The following ATP2B4 variants were observed in gnomAD, a reference collection of about 807,000 sequenced individuals.
ATP2B4 encodes the protein plasma membrane calcium-transporting ATPase 4.
In ATP2B4, 39 loss-of-function variants were observed where a neutral mutation model predicts 110.3. The observed-to-expected ratio is 0.35, with a 90% CI of 0.27 to 0.46. The LOEUF (loss-of-function observed/expected upper bound fraction) is 0.46. Ranked by LOEUF, ATP2B4 falls within the 20% of genes least tolerant of loss-of-function variation. The pLI, the probability that ATP2B4 is intolerant of heterozygous loss-of-function variation, is 1.00. For synonymous variants in ATP2B4, 538 were observed against 571.7 expected, an observed-to-expected ratio of 0.94 and a Z score of 0.84; for missense variants, 1,135 against 1,530.9, an observed-to-expected ratio of 0.74 and a Z score of 4.32.
At chr1:203,633,566 C>T (rs978002719) in intron 1 of ATP2B4, among the ~76,000 whole-genome samples, 6 of 152,138 alleles carry the variant, frequency 3.9e-5, no homozygotes, top group Admixed American at 2.0e-4. Context: ...GAGTTTGAGA[C>T]CAGCCTGGCC....
intron 18 of ATP2B4, among the ~76,000 whole-genome samples, chr1:203,723,461 C>CCTCTGACTCTCTCTCTCTCT (rs1558052469): frequency 1.8e-4 from 12 of 67,606 alleles, no homozygotes; most frequent in African/African-American, 6.1e-4. Flanking sequence ...TCTCTCTCTC[C>CCTCTGACTCTCTCTCTCTCT]CTCTGCCTCT....
intron 1 of ATP2B4, among the ~76,000 whole-genome samples, chr1:203,666,238 A>G (rs1313214132): frequency 1.3e-5 from 2 of 152,202 alleles, no homozygotes; most frequent in Non-Finnish European, 2.9e-5. Context: ...GCCCATGAGT[A>G]TGAAAGGGAA....
At chr1:203,700,415 A>C in intron 5 of ATP2B4, 84 bp downstream of exon 5, 1 of 1,496,896 alleles carries the variant, frequency 6.7e-7, no homozygotes, top group Non-Finnish European at 9.0e-7. Flanking sequence ...CTCTCCTCTG[A>C]CTCTGTCCCA....
intron 15 of ATP2B4, among the ~76,000 whole-genome samples, chr1:203,714,914 G>T (rs1321250212): frequency 5.3e-5 from 8 of 152,090 alleles, no homozygotes. Context: ...TATCTTTAGA[G>T]AACTCTTTTT....
At chr1:203,657,000 AT>A in intron 1 of ATP2B4, 3 of 735,942 alleles carry the variant, frequency 4.1e-6, no homozygotes, top group South Asian at 2.9e-5. Context: ...TGCAGCCATC[AT>A]TTTCAGGACT....
intron 20 of ATP2B4, among the ~76,000 whole-genome samples, chr1:203,732,702 G>A (rs555137932): frequency 6.6e-6 from 1 of 151,876 alleles, no homozygotes; most frequent in Admixed American, 6.6e-5. Flanking sequence ...ATCTTCAATT[G>A]TTTGCCTTAT....
At chr1:203,631,681 C>G (rs1447782093) in intron 1 of ATP2B4, among the ~76,000 whole-genome samples, 1 of 152,146 alleles carries the variant, frequency 6.6e-6, no homozygotes, top group East Asian at 1.9e-4. Flanking sequence ...GGGAAGTTAG[C>G]AATATCTAAC....
rs754093746 is a variant in ATP2B4 at position 203,714,193 on chromosome 1, G to T, written c.2322G>T (p.Gly774=). 1.2e-6 allele frequency: 2 copies of T among 1,614,040 alleles called. No homozygotes were observed. ...CAGGCATAATTGACAGCACTGTTGG[G>T]GAACACCGGCAGGTCGTGGCTGTCA... ...LVKGIIDSTV[G]EHRQVVAVTG... is the part of the protein sequence containing the mutation. The change falls in exon 15 of 21, where the codon GGG becomes GGT. Residue 774 remains glycine, a synonymous_variant. Transcript: ENST00000357681.
chr1:203,649,666 T>A (rs1386347127), intron 1 of ATP2B4, among the ~76,000 whole-genome samples: 2 of 152,040 alleles, frequency 1.3e-5, no homozygotes. Flanking sequence ...TGGTGATGCA[T>A]ACCTGTAGTC....
At chr1:203,731,849 CAA>C (rs35528335) in intron 20 of ATP2B4, among the ~76,000 whole-genome samples, 2 of 51,072 alleles carry the variant, frequency 3.9e-5, no homozygotes, top group Admixed American at 3.2e-4. Context: ...GACTCTGTCT[CAA>C]AAAAAAAAAA....
chr1:203,668,051 A>G (rs1558024321), intron 1 of ATP2B4, among the ~76,000 whole-genome samples: 1 of 151,914 alleles, frequency 6.6e-6, no homozygotes, highest in African/African-American at 2.4e-5. Context: ...GTGTGATGCT[A>G]CTCCTCCTCT....
At chr1:203,630,535 G>A (rs1663237191) in intron 1 of ATP2B4, among the ~76,000 whole-genome samples, 1 of 152,098 alleles carries the variant, frequency 6.6e-6, no homozygotes, top group Non-Finnish European at 1.5e-5. Context: ...AACCCCGTTA[G>A]CCAAACCCCT....
intron 6 of ATP2B4, 34 bp downstream of exon 6, chr1:203,700,957 C>G (rs769213477): frequency 2.5e-6 from 4 of 1,600,972 alleles, no homozygotes; most frequent in South Asian, 2.2e-5. Context: ...TCTCTTTCCT[C>G]TCATCCCCAT....
rs186494779 is a variant in ATP2B4 at position 203,731,238 on chromosome 1, A to G, written c.3309+3667A>G. On this transcript the variant is annotated intron_variant, in intron 20 of 20. Transcript: ENST00000357681. ...AGGAAGCAGTGATGTTTCTGCTCAA[A>G]CTGTGATCTGGATCCAGAAACTAGC... Among the ~76,000 whole-genome samples the G allele has an allele frequency of 4.3e-3, 654 of 152,218 alleles. 6 individuals are homozygous for G. The highest frequency in any genetic ancestry group is 0.014 in the African/African-American group (600 of 41,526).
intron 2 of ATP2B4, among the ~76,000 whole-genome samples, chr1:203,689,532 G>C (rs1421220410): frequency 6.6e-6 from 1 of 152,186 alleles, no homozygotes; most frequent in Non-Finnish European, 1.5e-5. Context: ...GTTGAATTTG[G>C]ATCTAAAAGA....
At chr1:203,641,860 G>A (rs1663641079) in intron 1 of ATP2B4, among the ~76,000 whole-genome samples, 1 of 152,108 alleles carries the variant, frequency 6.6e-6, no homozygotes, top group Non-Finnish European at 1.5e-5. Flanking sequence ...TCTTCGCCTT[G>A]CTCATTGATA....
intron 1 of ATP2B4, among the ~76,000 whole-genome samples, chr1:203,658,533 AAAAAAAAG>A (rs1163886954): frequency 6.6e-6 from 1 of 151,828 alleles, no homozygotes; most frequent in Non-Finnish European, 1.5e-5. Context: ...CCTGTCTCAA[AAAAAAAAG>A]AAAAAAAGAA....
intron 3 of ATP2B4, among the ~76,000 whole-genome samples, chr1:203,699,127 C>T (rs1347499862): frequency 6.6e-6 from 1 of 152,084 alleles, no homozygotes; most frequent in African/African-American, 2.4e-5. Flanking sequence ...CAAAGTGCCC[C>T]CTGCCACCAA....
intron 1 of ATP2B4, among the ~76,000 whole-genome samples, chr1:203,658,487 C>T (rs758908600): frequency 2.0e-5 from 3 of 150,358 alleles, no homozygotes; most frequent in East Asian, 1.9e-4. Context: ...GCTATGATGG[C>T]GCCACTGCAC....
Sources: gnomAD v4.1 joint callset for allele counts (sites outside exome capture counted in the v4.1 genomes callset) on GRCh38, gnomAD v4.1.1 for gene constraint, MANE v1.5 for transcripts, NCBI Gene and HGNC (gene_info 2026-07-23, HGNC 2026-07-21) for gene names.